The following WFDC11 variants were observed in gnomAD, a reference collection of about 807,000 sequenced individuals.
The protein encoded by WFDC11 is WAP four-disulfide core domain 11, also known as protein WFDC11.
WFDC11 carries 9 observed loss-of-function variants against 9.9 expected under a neutral mutation model. The observed-to-expected ratio is 0.91, with a 90% confidence interval of 0.55 to 1.58. The LOEUF is 1.58. WFDC11 is among the 40% of genes most tolerant of loss of function. The pLI, the probability that WFDC11 is intolerant of heterozygous loss-of-function variation, is 0.00. For missense variants in WFDC11, 106 were observed against 101.7 expected, an observed-to-expected ratio of 1.04 and a Z score of -0.18; for synonymous variants, 32 against 33.3, an observed-to-expected ratio of 0.96 and a Z score of 0.13.
At chr20:45,650,799 G>A (rs1982790193) in intron 2 of WFDC11, 148 bp from the exon 3 acceptor site, 1 of 486,310 alleles carries the variant, frequency 2.1e-6, no homozygotes, top group African/African-American at 2.0e-5. Context: ...CGTTGGCTTT[G>A]CCAAAAGGAA....
At chr20:45,658,910 C>CT (rs1204455376) in intron 2 of WFDC11, among the ~76,000 whole-genome samples, 1 of 100,306 alleles carries the variant, frequency 1.0e-5, no homozygotes, top group African/African-American at 3.0e-5. Context: ...GATGCCCACC[C>CT]CCCCGTCCAT....
chr20:45,653,077 ATG>A (rs1982846777), intron 2 of WFDC11, among the ~76,000 whole-genome samples: 14 of 151,464 alleles, frequency 9.2e-5, no homozygotes, highest in Non-Finnish European at 1.6e-4. Context: ...AGGAAATAGA[ATG>A]CCACAAAGAT....
In WFDC11 at chr20:45,650,596, A is replaced by G; in HGVS notation, c.5T>C (p.Val2Ala). 6.2e-7 allele frequency: 1 copy of G among 1,613,696 alleles called. No homozygotes were observed. Among genetic ancestry groups the G allele is most frequent in the Non-Finnish European group, 8.5e-7 (1 of 1,179,602 alleles). Residue 2 changes from valine (V) to alanine (A), a missense_variant, in exon 3 of 5, where the codon GTC becomes GCC. Transcript: ENST00000324384. M[V>A]SLMKLWIPML... ...GGGTATCCAGAGCTTCATGAGGCTG[A>G]CCATATGTGTCTGAATATGTGTTGT... is the stretch of plus-strand genomic sequence containing the variant.
intron 2 of WFDC11, among the ~76,000 whole-genome samples, chr20:45,653,371 C>G (rs924711237): frequency 7.2e-5 from 11 of 152,004 alleles, no homozygotes; most frequent in African/African-American, 2.7e-4. Context: ...TATAGACAAG[C>G]AAATGCTGAG....
intron 2 of WFDC11, among the ~76,000 whole-genome samples, chr20:45,665,114 C>A (rs1983160042): frequency 6.6e-6 from 1 of 152,076 alleles, no homozygotes; most frequent in African/African-American, 2.4e-5. Context: ...TTGTTCATTT[C>A]TTTTTACTCT....
At chr20:45,665,219 T>C (rs930239114) in intron 2 of WFDC11, among the ~76,000 whole-genome samples, 10 of 152,228 alleles carry the variant, frequency 6.6e-5, no homozygotes, top group African/African-American at 1.2e-4. Context: ...CTATTGAAGC[T>C]TGTGCATGCA....
chr20:45,652,389 AAACT>A (rs1250378061), intron 2 of WFDC11, among the ~76,000 whole-genome samples: 3 of 152,192 alleles, frequency 2.0e-5, no homozygotes, highest in African/African-American at 7.2e-5. Context: ...GTTAGAAGGA[AAACT>A]AACAAACAGA....
intron 2 of WFDC11, among the ~76,000 whole-genome samples, chr20:45,662,910 G>A (rs1468432990): frequency 6.6e-6 from 1 of 152,160 alleles, no homozygotes; most frequent in Admixed American, 6.5e-5. Flanking sequence ...GCCAGCCTTT[G>A]GTATCAGGAT....
intron 2 of WFDC11, among the ~76,000 whole-genome samples, chr20:45,657,938 G>A (rs1051995377): frequency 1.3e-5 from 2 of 152,030 alleles, no homozygotes; most frequent in African/African-American, 4.8e-5. Flanking sequence ...CCACTATATC[G>A]ATGTATAATA....
In WFDC11 at chr20:45,649,443, G is replaced by A. The variant is rs370198470; in HGVS notation, c.101-44C>T. The A allele has an allele frequency of 8.8e-6, 14 of 1,599,330 alleles. No individual in the cohort carries two copies. In the African/African-American group the frequency reaches 1.9e-4, roughly 21 times the overall value. On this transcript the variant is annotated intron_variant, in intron 3 of 4. Transcript: ENST00000324384. The stretch of plus-strand genomic sequence containing the variant: ...GGTCAAAGGTTGATGGTATGTTTCA[G>A]CCAAGAGCGGAAAGAAAGGCCTTTC...
At position 45,648,564 on chromosome 20, in the gene WFDC11, A is replaced by G. The variant is rs1414397396; in HGVS notation, c.*155T>C. The G allele has an allele frequency of 6.7e-6, 5 of 750,954 alleles. No individual in the cohort carries two copies. The highest frequency in any genetic ancestry group is 2.4e-4 in the Middle Eastern group (1 of 4,190). The allele number at this position is 750,954 out of a possible 1,614,324, so 46.5% of individuals were successfully genotyped here. On this transcript the variant is annotated 3_prime_UTR_variant, in exon 5 of 5. Transcript: ENST00000324384. ...TGAGCTGAAAAAAGGCAAGGCCACTACTGGTAAATAAGTTTATTTGTCAAG... is the reference window on the plus strand; with the variant it reads ...TGAGCTGAAAAAAGGCAAGGCCACTGCTGGTAAATAAGTTTATTTGTCAAG...
At chr20:45,658,434 G>T (rs906209591) in intron 2 of WFDC11, among the ~76,000 whole-genome samples, 2 of 152,018 alleles carry the variant, frequency 1.3e-5, no homozygotes, top group Non-Finnish European at 2.9e-5. Flanking sequence ...AGTTAGGAGG[G>T]TTGTATTTTT....
chr20:45,653,433 A>G (rs1350511072), intron 2 of WFDC11, among the ~76,000 whole-genome samples: 2 of 152,200 alleles, frequency 1.3e-5, no homozygotes, highest in African/African-American at 4.8e-5. Context: ...TGAAGGAAGC[A>G]CTAAACATGG....
At chr20:45,664,228 G>A (rs1446233881) in intron 2 of WFDC11, among the ~76,000 whole-genome samples, 1 of 152,040 alleles carries the variant, frequency 6.6e-6, no homozygotes, top group African/African-American at 2.4e-5. Flanking sequence ...TTTTATCAGA[G>A]ACTAGAATTG....
At chr20:45,661,192 T>G (rs1983055123) in intron 2 of WFDC11, among the ~76,000 whole-genome samples, 1 of 152,174 alleles carries the variant, frequency 6.6e-6, no homozygotes, top group Non-Finnish European at 1.5e-5. Flanking sequence ...TTTTCATGTG[T>G]TTTTTGGCTG....
At chr20:45,654,031 A>G (rs1323152646) in intron 2 of WFDC11, among the ~76,000 whole-genome samples, 2 of 152,292 alleles carry the variant, frequency 1.3e-5, no homozygotes, top group Non-Finnish European at 2.9e-5. Context: ...ACAAGACAGA[A>G]AGTTAACAAG....
chr20:45,667,496 G>A (rs1310000650), intron 1 of WFDC11, among the ~76,000 whole-genome samples: 1 of 152,020 alleles, frequency 6.6e-6, no homozygotes, highest in East Asian at 1.9e-4. Context: ...ATTGTGTGAG[G>A]ACCTTCATAA....
intron 2 of WFDC11, among the ~76,000 whole-genome samples, chr20:45,658,966 G>T (rs916268776): frequency 1.7e-4 from 25 of 148,718 alleles, no homozygotes; most frequent in Non-Finnish European, 3.1e-4. Flanking sequence ...TGCAGTGTTT[G>T]GTTTTCTGTC....
intron 2 of WFDC11, among the ~76,000 whole-genome samples, chr20:45,663,911 G>A (rs553573761): frequency 6.6e-6 from 1 of 152,162 alleles, no homozygotes; most frequent in African/African-American, 2.4e-5. Context: ...GTTGATTTGG[G>A]TGGAGAGTTT....
Sources: gnomAD v4.1 joint callset for allele counts (sites outside exome capture counted in the v4.1 genomes callset) on GRCh38, gnomAD v4.1.1 for gene constraint, MANE v1.5 for transcripts, NCBI Gene and HGNC (gene_info 2026-07-23, HGNC 2026-07-21) for gene names.